The following OPCML variants were observed in gnomAD, a reference collection of about 807,000 sequenced individuals.
OPCML encodes the protein opioid-binding protein/cell adhesion molecule.
OPCML carries 13 observed loss-of-function variants against 37.8 expected under a neutral mutation model. That is an observed-to-expected ratio of 0.34 (90% CI 0.22 to 0.55). The LOEUF is 0.55. Ranked by LOEUF, OPCML falls within the 20% of genes least tolerant of loss-of-function variation. The pLI, the probability that OPCML is intolerant of heterozygous loss-of-function variation, is 0.91. For synonymous variants in OPCML, 176 were observed against 168.8 expected, an observed-to-expected ratio of 1.04 and a Z score of -0.33; for missense variants, 341 against 435.6, an observed-to-expected ratio of 0.78 and a Z score of 1.93.
intron 2 of OPCML, among the ~76,000 whole-genome samples, chr11:132,866,619 A>G (rs1377497132): frequency 6.6e-6 from 1 of 152,190 alleles, no homozygotes; most frequent in Non-Finnish European, 1.5e-5. Flanking sequence ...TTCACTGTGG[A>G]TGTTCCTTTG....
Position 132,793,488 on chromosome 11 carries a change from G to A in OPCML, c.147-136169C>T, listed in dbSNP as rs146888597. On this transcript the variant is annotated intron_variant, in intron 2 of 7. Transcript: ENST00000524381. ...CCTTCTCCTTAAAGCCAAAGAGAAT[G>A]TGTCTGATGAGTCTGTGAATTCTTC... 7.7e-3 allele frequency among the ~76,000 whole-genome samples: 1,171 copies of A among 152,282 alleles called. 11 individuals are homozygous for A. The highest frequency in any genetic ancestry group is 0.014 in the Middle Eastern group (4 of 294).
chr11:132,920,224 A>G (rs1944743150), intron 2 of OPCML, among the ~76,000 whole-genome samples: 1 of 152,218 alleles, frequency 6.6e-6, no homozygotes. Context: ...ATTTTGGAAG[A>G]AACATTTCAT....
chr11:132,521,855 G>T (rs2096294717), intron 4 of OPCML, among the ~76,000 whole-genome samples: 1 of 152,164 alleles, frequency 6.6e-6, no homozygotes, highest in Non-Finnish European at 1.5e-5. Flanking sequence ...GTTTTTGCAT[G>T]TACTTATTTT....
chr11:132,426,851 C>T (rs560954308), intron 7 of OPCML, among the ~76,000 whole-genome samples: 1 of 152,340 alleles, frequency 6.6e-6, no homozygotes, highest in East Asian at 1.9e-4. Context: ...GCTTTTGCTG[C>T]TGCATTCAGG....
At chr11:132,433,626 C>A (rs1047197799) in intron 7 of OPCML, among the ~76,000 whole-genome samples, 2 of 152,266 alleles carry the variant, frequency 1.3e-5, no homozygotes, top group South Asian at 4.2e-4. Flanking sequence ...GATGCTCTAA[C>A]CCCCAGTATG....
chr11:133,377,424 T>C (rs533906884), intron 1 of OPCML, among the ~76,000 whole-genome samples: 4 of 151,932 alleles, frequency 2.6e-5, no homozygotes, highest in Admixed American at 2.0e-4. Context: ...GTTTTGCCGA[T>C]TGAAGATACC....
intron 4 of OPCML, among the ~76,000 whole-genome samples, chr11:132,452,401 G>A (rs2096070534): frequency 6.6e-6 from 1 of 152,146 alleles, no homozygotes; most frequent in South Asian, 2.1e-4. Flanking sequence ...CTCCAAGGCA[G>A]ACCTCCAGTC....
chr11:133,159,792 C>T (rs1228793449), intron 1 of OPCML, among the ~76,000 whole-genome samples: 2 of 152,194 alleles, frequency 1.3e-5, no homozygotes, highest in Non-Finnish European at 2.9e-5. Flanking sequence ...AGAACGTGTG[C>T]CCACCCTGAC....
intron 1 of OPCML, among the ~76,000 whole-genome samples, chr11:133,168,831 G>A (rs1950249441): frequency 6.6e-6 from 1 of 152,154 alleles, no homozygotes; most frequent in East Asian, 1.9e-4. Context: ...GCATGAGAAA[G>A]TAACTATTAT....
At chr11:133,325,225 T>C (rs1232316657) in intron 1 of OPCML, among the ~76,000 whole-genome samples, 1 of 152,230 alleles carries the variant, frequency 6.6e-6, no homozygotes, top group Non-Finnish European at 1.5e-5. Context: ...TGTATTCTGA[T>C]AGCGAATGCG....
At chr11:132,948,600 C>G (rs921731982) in intron 1 of OPCML, among the ~76,000 whole-genome samples, 2 of 152,134 alleles carry the variant, frequency 1.3e-5, no homozygotes, top group Non-Finnish European at 2.9e-5. Context: ...TAGGAATTAG[C>G]TAGCCCTAGG....
chr11:132,497,538 T>C (rs117685215), intron 4 of OPCML, among the ~76,000 whole-genome samples: 7,958 of 152,136 alleles, frequency 0.052, 289 homozygotes, highest in Middle Eastern at 0.12. Context: ...TCTCAGTGAT[T>C]CGGAAGCCTT....
Position 133,499,771 on chromosome 11 carries a change from AAT to A in OPCML, c.61+32491_61+32492del, listed in dbSNP as rs374151325. ...GACCAACACCACCAGCAGAAAAATA[AAT>A]ATATATATATATATACACATATATA... is the stretch of plus-strand genomic sequence containing the variant. On this transcript the variant is annotated intron_variant, in intron 1 of 7. Coordinates refer to ENST00000524381, the MANE Select transcript of OPCML (RefSeq NM_001012393.5). 6.1e-3 allele frequency among the ~76,000 whole-genome samples: 855 copies of A among 141,210 alleles called. 5 individuals are homozygous for A. Among genetic ancestry groups the A allele is most frequent in the African/African-American group, 0.019 (706 of 37,814 alleles). 92.6% of individuals were successfully genotyped at this position (141,210 alleles called of 152,430 possible). A position where few individuals can be genotyped will look rare whatever the true frequency, so the allele number is the denominator to read the frequency against.
chr11:133,377,612 G>GAAAAAAAAAAAAAAGAAAAAAAAAAAAA (rs1944837968), intron 1 of OPCML, among the ~76,000 whole-genome samples: 1 of 79,088 alleles, frequency 1.3e-5, no homozygotes, highest in Non-Finnish European at 2.3e-5. Flanking sequence ...CCAGTATTCA[G>GAAAAAAAAAAAAAAGAAAAAAAAAAAAA]AAAAAAAAAA....
In OPCML at chr11:132,689,618, G is replaced by A. The variant is rs144940043; in HGVS notation, c.147-32299C>T. Among the ~76,000 whole-genome samples the A allele has an allele frequency of 4.3e-3, 648 of 152,320 alleles. 14 individuals are homozygous for A. Among genetic ancestry groups the A allele is most frequent in the African/African-American group, 0.015 (620 of 41,570 alleles). On this transcript the variant is annotated intron_variant, in intron 2 of 7. Transcript: ENST00000524381. ...AAATTGATATTTAACATCTCTGGAA[G>A]GTAGAGACGAGGTGTCATGAGGCAG... is the stretch of plus-strand genomic sequence containing the variant.
intron 2 of OPCML, among the ~76,000 whole-genome samples, chr11:132,825,506 A>G (rs984535210): frequency 2.0e-5 from 3 of 152,332 alleles, no homozygotes; most frequent in African/African-American, 7.2e-5. Flanking sequence ...AAAATGAGGT[A>G]ATAATATATT....
At chr11:133,321,673 C>A (rs1943333200) in intron 1 of OPCML, among the ~76,000 whole-genome samples, 1 of 152,100 alleles carries the variant, frequency 6.6e-6, no homozygotes, top group African/African-American at 2.4e-5. Flanking sequence ...GCCTGTGCAG[C>A]AAATACCCAT....
chr11:132,426,684 G>A (rs947761947), intron 7 of OPCML, among the ~76,000 whole-genome samples: 2 of 152,094 alleles, frequency 1.3e-5, no homozygotes, highest in Admixed American at 6.5e-5. Flanking sequence ...CACTCGCCTC[G>A]GCCTCCCAAA....
intron 1 of OPCML, among the ~76,000 whole-genome samples, chr11:133,488,106 G>T (rs1420072086): frequency 6.6e-6 from 1 of 151,914 alleles, no homozygotes; most frequent in South Asian, 2.1e-4. Flanking sequence ...GACATAGAAG[G>T]AACACACCTC....
Sources: gnomAD v4.1 joint callset for allele counts (sites outside exome capture counted in the v4.1 genomes callset) on GRCh38, gnomAD v4.1.1 for gene constraint, MANE v1.5 for transcripts, NCBI Gene and HGNC (gene_info 2026-07-23, HGNC 2026-07-21) for gene names.